The following CPLANE2 variants were observed in gnomAD, a reference collection of about 807,000 sequenced individuals.
CPLANE2 encodes ciliogenesis and planar polarity effector complex subunit 2.
CPLANE2 carries 24 observed loss-of-function variants against 20.9 expected under a neutral mutation model. The ratio of observed to expected loss-of-function variants is 1.15; its 90% CI spans 0.83 to 1.61. The LOEUF is 1.61. CPLANE2 is among the 40% of genes most tolerant of loss of function. The probability of loss-of-function intolerance (pLI) is 0.00; values close to 1 mark genes in which losing one functional copy is unlikely to be tolerated. For synonymous variants in CPLANE2, 132 were observed against 144.3 expected (o/e 0.92, Z 0.61); for missense variants, 330 against 355.1 (o/e 0.93, Z 0.57).
intron 2 of CPLANE2, among the ~76,000 whole-genome samples, chr1:16,233,411 C>T (rs1053761001): frequency 1.3e-5 from 2 of 152,196 alleles, no homozygotes; most frequent in Admixed American, 1.3e-4. Flanking sequence ...AGGCATGTTA[C>T]CACCACCACC....
In CPLANE2 at chr1:16,232,272, C is replaced by T. The variant is rs750905072; in HGVS notation, c.553G>A (p.Val185Met). 1.7e-5 allele frequency: 28 copies of T among 1,608,538 alleles called. No individual in the cohort carries two copies. Among genetic ancestry groups the T allele is most frequent in the South Asian group, 1.2e-4 (11 of 90,716 alleles). The stretch of plus-strand genomic sequence containing the variant: ...AAGGCTGTGAGGTCCCGCTCGGGCA[C>T]GTCCGTGTGCATGTACTGGTCAAAT... ...SKFDQYMHTD[V>M]PERDLTAFRQ... is the part of the protein sequence containing the mutation. The change falls in exon 5 of 5, where the codon GTG becomes ATG. Residue 185 changes from valine (V) to methionine (M), a missense_variant. Transcript: ENST00000375599.
intron 3 of CPLANE2, 26 bp from the exon 4 acceptor site, chr1:16,232,672 T>G: frequency 6.2e-7 from 1 of 1,612,890 alleles, no homozygotes; most frequent in Non-Finnish European, 8.5e-7. Flanking sequence ...CATATAACCA[T>G]GTCACCCCCC....
intron 2 of CPLANE2, 105 bp from the exon 3 acceptor site, chr1:16,233,122 G>T (rs2081437216): frequency 7.5e-7 from 1 of 1,325,704 alleles, no homozygotes; most frequent in Admixed American, 1.9e-5. Flanking sequence ...TGCCCTGATG[G>T]GTCCCTAGTT....
At chr1:16,232,782 A>G (rs2081432897) in intron 3 of CPLANE2, 111 bp downstream of exon 3, 1 of 1,561,876 alleles carries the variant, frequency 6.4e-7, no homozygotes, top group Admixed American at 1.8e-5. Flanking sequence ...TAGGACAAGC[A>G]TGGGCTGGGA....
chr1:16,233,891 G>T, intron 1 of CPLANE2, 127 bp from the exon 2 acceptor site: 1 of 989,430 alleles, frequency 1.0e-6, no homozygotes, highest in Non-Finnish European at 1.5e-6. Context: ...AACACAAGGT[G>T]ATCAGCTGCC....
chr1:16,233,842 A>G, intron 1 of CPLANE2, 78 bp from the exon 2 acceptor site: 7 of 1,533,470 alleles, frequency 4.6e-6, no homozygotes, highest in Non-Finnish European at 6.3e-6. Flanking sequence ...TGTGTTGGAA[A>G]CTTAATCGCC....
At position 16,236,669 on chromosome 1, in the gene CPLANE2, A is replaced by G; in HGVS notation, c.74T>C (p.Leu25Pro). The G allele has an allele frequency of 6.4e-7, 1 of 1,562,474 alleles. No homozygotes were observed. The highest frequency in any genetic ancestry group is 8.7e-7 in the Non-Finnish European group (1 of 1,151,802). The change falls in exon 1 of 5, where the codon CTG (leucine) becomes CCG (proline). Residue 25 changes from leucine (L) to proline (P), a missense_variant. Leu to Pro is a moderately conservative substitution (Grantham distance 98). Transcript: ENST00000375599. ...GCGGTTCTTGCGCAGAATGCAAGCC[A>G]GGTACTCCTTGCCCTCGGCACTCTC... ...WHESAEGKEYLACILRKNRRR... is the reference protein window; with the variant it reads ...WHESAEGKEYPACILRKNRRR...
intron 1 of CPLANE2, among the ~76,000 whole-genome samples, chr1:16,235,677 CTTTTT>C (rs34360746): frequency 3.4e-5 from 4 of 117,284 alleles, no homozygotes; most frequent in Non-Finnish European, 5.2e-5. Context: ...ATTAGAGGGT[CTTTTT>C]TTTTTTTTTT....
Position 16,236,612 on chromosome 1 carries a change from G to A in CPLANE2, c.112+19C>T. 6.5e-7 allele frequency: 1 copy of A among 1,531,984 alleles called. No individual in the cohort carries two copies. The highest frequency in any genetic ancestry group is 8.9e-7 in the Non-Finnish European group (1 of 1,128,798). 94.9% of individuals were successfully genotyped at this position (1,531,984 alleles called of 1,614,324 possible). A position where few individuals can be genotyped will look rare whatever the true frequency, so the allele number is the denominator to read the frequency against. On this transcript the variant is annotated intron_variant, in intron 1 of 4. Transcript: ENST00000375599. Reference sequence around the variant, plus strand: ...GGGAAAGACAAGTGGCGGGCTAGAGGAAAGGGGGAGGCACTTACCAAACAC... The same window carrying A: ...GGGAAAGACAAGTGGCGGGCTAGAGAAAAGGGGGAGGCACTTACCAAACAC...
rs74951437 is a variant in CPLANE2, at chr1:16,233,549, G to A, written c.265+63C>T. On this transcript the variant is annotated intron_variant, in intron 2 of 4. Transcript: ENST00000375599. ...AGAGTAAGAGGTGGTCCAGGGCCAG[G>A]TTCTTGCCTCCACCCCCAAGGAGGG... The A allele has an allele frequency of 4.7e-3, 7,404 of 1,589,262 alleles. 287 individuals are homozygous for A. The African/African-American group carries it at 0.085, about 18-fold the overall frequency.
rs552461495 is a variant in CPLANE2, at chr1:16,236,163, GC to G, written c.112+467del. Among the ~76,000 whole-genome samples, 791 of 152,350 alleles carry G rather than the reference GC, an allele frequency of 5.2e-3. 4 individuals carry two copies. The highest frequency in any genetic ancestry group is 8.2e-3 in the Non-Finnish European group (557 of 68,032). ...GCACCTCTGCCGGCCTGACAGCTGG[GC>G]CCTGCCTGGGTGAGTCAGTTTCACC... On this transcript the variant is annotated intron_variant, in intron 1 of 4. Coordinates refer to ENST00000375599, the MANE Select transcript of CPLANE2 (RefSeq NM_030907.4).
chr1:16,235,793 G>A (rs2081460658), intron 1 of CPLANE2, among the ~76,000 whole-genome samples: 1 of 148,246 alleles, frequency 6.7e-6, no homozygotes, highest in Non-Finnish European at 1.5e-5. Flanking sequence ...CGATTCTCCT[G>A]CCTCAGCCTC....
intron 1 of CPLANE2, among the ~76,000 whole-genome samples, chr1:16,235,643 T>G (rs1013016948): frequency 6.6e-6 from 1 of 151,202 alleles, no homozygotes; most frequent in Non-Finnish European, 1.5e-5. Context: ...CCAGCCATCA[T>G]GGGATTAGAG....
chr1:16,235,922 T>C (rs1048090969), intron 1 of CPLANE2, among the ~76,000 whole-genome samples: 1 of 152,058 alleles, frequency 6.6e-6, no homozygotes, highest in Admixed American at 6.6e-5. Context: ...CTCAGGTGAT[T>C]TGCCCACCTC....
At position 16,231,904 on chromosome 1, in the gene CPLANE2, C is replaced by T. The variant is rs112234564; in HGVS notation, c.*144G>A. The T allele has an allele frequency of 1.7e-5, 21 of 1,200,592 alleles. No homozygotes were observed. The highest frequency in any genetic ancestry group is 1.4e-4 in the African/African-American group (9 of 65,948). The allele number at this position is 1,200,592 out of a possible 1,614,324, so 74.4% of individuals were successfully genotyped here. On this transcript the variant is annotated 3_prime_UTR_variant, in exon 5 of 5. Transcript: ENST00000375599. ...AATTCTGCAAGGAAAGCGCTGCTCGCGGGTGGGCCTTCTCTGGCCACATCC... is the reference window on the plus strand; with the variant it reads ...AATTCTGCAAGGAAAGCGCTGCTCGTGGGTGGGCCTTCTCTGGCCACATCC...
At chr1:16,233,576 CT>C (rs2081441473) in intron 2 of CPLANE2, 35 bp downstream of exon 2, 1 of 1,610,152 alleles carries the variant, frequency 6.2e-7, no homozygotes, top group Admixed American at 1.7e-5. Flanking sequence ...CAAGGAGGGC[CT>C]CCCAGGATGG....
chr1:16,233,009 TCTGGATGC>T lies in CPLANE2; in HGVS notation c.266_273del (p.Gly89AspfsTer22). ...TTGGCTGGCCAAAATACCACGGTGG[TCTGGATGC>T]CTGAGGGGGAGCCAGGGTCAGCCAC... On this transcript the variant is annotated frameshift_variant and splice_region_variant, in exon 3 of 5. Coordinates refer to ENST00000375599, the MANE Select transcript of CPLANE2 (RefSeq NM_030907.4). LOFTEE classifies it high-confidence loss of function. 1 of 1,613,930 alleles carries T rather than the reference TCTGGATGC, an allele frequency of 6.2e-7. No homozygotes were observed. Among genetic ancestry groups the T allele is most frequent in the Non-Finnish European group, 8.5e-7 (1 of 1,179,970 alleles).
Position 16,232,315 on chromosome 1 carries a change from A to C in CPLANE2, c.528-18T>G, listed in dbSNP as rs745520669. On this transcript the variant is annotated intron_variant, in intron 4 of 4. Coordinates refer to ENST00000375599, the MANE Select transcript of CPLANE2 (RefSeq NM_030907.4). ...GGTCAAATCTGGAGGAGGGTCAAGG[A>C]GCCTAACTGGGTGCCTCTGCACAGC... is the stretch of plus-strand genomic sequence containing the variant. The C allele has an allele frequency of 1.7e-5, 27 of 1,594,070 alleles. No homozygotes were observed. In the South Asian group the frequency reaches 3.0e-4, roughly 18 times the overall value.
chr1:16,235,434 A>C (rs1368967790), intron 1 of CPLANE2, among the ~76,000 whole-genome samples: 1 of 152,168 alleles, frequency 6.6e-6, no homozygotes, highest in South Asian at 2.1e-4. Context: ...CACCCACTGC[A>C]TGCCAGAACC....
Sources: gnomAD v4.1 joint callset for allele counts (sites outside exome capture counted in the v4.1 genomes callset) on GRCh38, gnomAD v4.1.1 for gene constraint, MANE v1.5 for transcripts, NCBI Gene and HGNC (gene_info 2026-07-23, HGNC 2026-07-21) for gene names.